The following SDCCAG8 variants were observed in gnomAD, a reference collection of about 807,000 sequenced individuals.
The protein encoded by SDCCAG8 is SHH signaling and ciliogenesis regulator SDCCAG8.
Under a neutral mutation model 101.8 loss-of-function variants are expected in SDCCAG8, and 74 were observed. That is an observed-to-expected ratio of 0.73 (90% CI 0.60 to 0.88). SDCCAG8 has a LOEUF of 0.88. Among genes scored for constraint, SDCCAG8 ranks in the 40% least tolerant of loss-of-function variants. The pLI, the probability that SDCCAG8 is intolerant of heterozygous loss-of-function variation, is 0.00. For synonymous variants in SDCCAG8, 281 were observed against 292.9 expected, an observed-to-expected ratio of 0.96 and a Z score of 0.41; for missense variants, 787 against 822.6, an observed-to-expected ratio of 0.96 and a Z score of 0.53.
intron 16 of SDCCAG8, among the ~76,000 whole-genome samples, chr1:243,470,997 A>T (rs1661147407): frequency 1.3e-5 from 2 of 152,156 alleles, no homozygotes; most frequent in African/African-American, 4.8e-5. Context: ...GCATAAGAAG[A>T]AATATCTGTA....
At chr1:243,314,137 T>C (rs2073022124) in intron 8 of SDCCAG8, among the ~76,000 whole-genome samples, 1 of 152,194 alleles carries the variant, frequency 6.6e-6, no homozygotes, top group South Asian at 2.1e-4. Context: ...TAATCCTAAA[T>C]TGCCAAAATG....
At chr1:243,359,522 C>T (rs2076575342) in intron 12 of SDCCAG8, among the ~76,000 whole-genome samples, 1 of 152,184 alleles carries the variant, frequency 6.6e-6, no homozygotes, top group South Asian at 2.1e-4. Flanking sequence ...GAAGTGAAGG[C>T]CATTCAGGAA....
At chr1:243,450,860 T>C (rs571391102) in intron 16 of SDCCAG8, among the ~76,000 whole-genome samples, 25 of 152,310 alleles carry the variant, frequency 1.6e-4, no homozygotes, top group African/African-American at 6.0e-4. Flanking sequence ...GGTTTCACCA[T>C]GTTGGCCAGG....
intron 7 of SDCCAG8, 186 bp from the exon 8 acceptor site, chr1:243,307,803 G>A (rs1000616977): frequency 1.4e-5 from 20 of 1,451,286 alleles, no homozygotes; most frequent in African/African-American, 5.7e-5. Flanking sequence ...CATATTCAAC[G>A]TGTCAATTAG....
At chr1:243,294,453 C>T (rs963893829) in intron 6 of SDCCAG8, among the ~76,000 whole-genome samples, 6 of 90,460 alleles carry the variant, frequency 6.6e-5, no homozygotes, top group Non-Finnish European at 1.1e-4. Context: ...AAACAAACAC[C>T]CTCCACTCCC....
chr1:243,314,444 T>C (rs1363309084), intron 8 of SDCCAG8, among the ~76,000 whole-genome samples: 2 of 152,166 alleles, frequency 1.3e-5, no homozygotes, highest in Admixed American at 1.3e-4. Flanking sequence ...ATGTTTTCAG[T>C]TTAGATCATG....
chr1:243,369,476 C>G (rs1030502138), intron 12 of SDCCAG8, among the ~76,000 whole-genome samples: 1 of 152,114 alleles, frequency 6.6e-6, no homozygotes, highest in African/African-American at 2.4e-5. Context: ...TTATCTCTTT[C>G]TGTTACATGT....
chr1:243,425,423 C>A (rs1344042963), intron 15 of SDCCAG8, among the ~76,000 whole-genome samples: 1 of 152,062 alleles, frequency 6.6e-6, no homozygotes, highest in Non-Finnish European at 1.5e-5. Flanking sequence ...TTGGGATGAA[C>A]AATTTGTAAA....
intron 15 of SDCCAG8, among the ~76,000 whole-genome samples, chr1:243,419,097 A>C (rs906929740): frequency 1.3e-5 from 2 of 152,132 alleles, no homozygotes; most frequent in Non-Finnish European, 2.9e-5. Context: ...CTTAGCTGAT[A>C]GAACCCCCAT....
intron 1 of SDCCAG8, 85 bp from the exon 2 acceptor site, chr1:243,270,020 C>T (rs568372411): frequency 3.8e-6 from 6 of 1,581,202 alleles, no homozygotes; most frequent in Non-Finnish European, 5.2e-6. Flanking sequence ...AATGATTTCA[C>T]CTTTAAAAAC....
chr1:243,318,741 T>G (rs886081005), intron 9 of SDCCAG8, among the ~76,000 whole-genome samples: 3 of 152,162 alleles, frequency 2.0e-5, no homozygotes, highest in African/African-American at 7.2e-5. Context: ...TTTCAAAACC[T>G]TCAGTGAAGG....
At chr1:243,393,522 A>C (rs555282167) in intron 13 of SDCCAG8, among the ~76,000 whole-genome samples, 2 of 135,742 alleles carry the variant, frequency 1.5e-5, no homozygotes, top group South Asian at 5.5e-4. Flanking sequence ...AATTGAGTTG[A>C]ATTGTGTCAA....
chr1:243,311,448 C>T (rs900877867), intron 8 of SDCCAG8, among the ~76,000 whole-genome samples: 5 of 151,906 alleles, frequency 3.3e-5, no homozygotes, highest in Non-Finnish European at 5.9e-5. Context: ...ACAGAGATAA[C>T]CACTAGAGAG....
At chr1:243,328,890 T>C (rs1375451427) in intron 9 of SDCCAG8, among the ~76,000 whole-genome samples, 1 of 152,226 alleles carries the variant, frequency 6.6e-6, no homozygotes, top group Admixed American at 6.5e-5. Context: ...TCTCTTCTGC[T>C]GTTCCTATAC....
chr1:243,370,121 C>T (rs1411790960), intron 12 of SDCCAG8, among the ~76,000 whole-genome samples: 1 of 152,046 alleles, frequency 6.6e-6, no homozygotes, highest in Non-Finnish European at 1.5e-5. Flanking sequence ...TTTCCCTCAT[C>T]CAGGGCTATC....
Position 243,314,960 on chromosome 1 carries a change from T to G in SDCCAG8, c.930-1795T>G, listed in dbSNP as rs917524820. Among the ~76,000 whole-genome samples, 3 of 152,242 alleles carry G rather than the reference T, an allele frequency of 2.0e-5. No individual in the cohort carries two copies. In the South Asian group the frequency reaches 6.2e-4, roughly 31 times the overall value. On this transcript the variant is annotated intron_variant, in intron 8 of 17. Transcript: ENST00000366541. Reference sequence around the variant, plus strand: ...CCTGACCTCAAGTGATCCGCCCACCTCGGCCTCCCAAAGTGTTGGAATTAC... The same window carrying G: ...CCTGACCTCAAGTGATCCGCCCACCGCGGCCTCCCAAAGTGTTGGAATTAC...
rs80172520 is a variant in SDCCAG8 at position 243,470,206 on chromosome 1, G to A, written c.1986-18808G>A. The stretch of plus-strand genomic sequence containing the variant: ...GCAGTGCCTTCTGCCCAGATGTGGC[G>A]CAAGTGCTCCAGCTGCCCCGACGGG... On this transcript the variant is annotated intron_variant, in intron 16 of 17. Coordinates refer to ENST00000366541, the MANE Select transcript of SDCCAG8 (RefSeq NM_006642.5). Among the ~76,000 whole-genome samples, 1,359 of 152,262 alleles carry A rather than the reference G, an allele frequency of 8.9e-3. 9 individuals carry two copies. Among genetic ancestry groups the A allele is most frequent in the Non-Finnish European group, 0.014 (974 of 68,014 alleles).
At chr1:243,338,699 G>A (rs2075181019) in intron 10 of SDCCAG8, 1 of 152,110 alleles carries the variant, frequency 6.6e-6, no homozygotes, top group African/African-American at 2.4e-5. Context: ...TGTATCTCTT[G>A]CATAGGGAGT....
intron 15 of SDCCAG8, among the ~76,000 whole-genome samples, chr1:243,426,041 A>G (rs2081317032): frequency 6.6e-6 from 1 of 152,240 alleles, no homozygotes; most frequent in African/African-American, 2.4e-5. Flanking sequence ...TGGTTATGTT[A>G]ATTAAAAGAA....
Sources: allele counts gnomAD v4.1 joint callset (sites outside exome capture counted in the v4.1 genomes callset), GRCh38; gene constraint gnomAD v4.1.1; transcripts MANE v1.5; gene names NCBI Gene and HGNC (gene_info 2026-07-23, HGNC 2026-07-21).